The following SPAG16 variants were observed in gnomAD, a reference collection of about 807,000 sequenced individuals.
SPAG16 encodes the protein sperm associated antigen 16, also known as sperm-associated antigen 16 protein.
A neutral mutation model predicts 80.4 loss-of-function variants in SPAG16; 86 were observed. The observed-to-expected ratio is 1.07, with a 90% confidence interval of 0.90 to 1.28. The LOEUF (loss-of-function observed/expected upper bound fraction) is 1.28, where lower values mean the gene tolerates loss of function less well. SPAG16 is among the 50% of genes most tolerant of loss of function. SPAG16 has a pLI of 0.00. For missense variants in SPAG16, 870 were observed against 765.3 expected (o/e 1.14, Z -1.61); for synonymous variants, 294 against 265.9 (o/e 1.11, Z -1.03).
rs551674179 is a variant in SPAG16, at chr2:213,329,686, A to C, written c.537-10477A>C. On this transcript the variant is annotated intron_variant, in intron 5 of 15. Transcript: ENST00000331683. ...CATTTTCTGGGGAGAAATTCAAGCC[A>C]GCTGCAGAAATTTGCATAAGTAATG... 1.5e-4 allele frequency among the ~76,000 whole-genome samples: 23 copies of C among 152,356 alleles called. 1 individual carries two copies. In the South Asian group the frequency reaches 4.6e-3, roughly 30 times the overall value.
chr2:214,042,499 G>C (rs2049091778), intron 13 of SPAG16, among the ~76,000 whole-genome samples: 1 of 151,918 alleles, frequency 6.6e-6, no homozygotes, highest in Non-Finnish European at 1.5e-5. Flanking sequence ...CATGTTTGAG[G>C]CTTCATATTC....
intron 10 of SPAG16, among the ~76,000 whole-genome samples, chr2:213,795,160 T>C (rs2070947680): frequency 1.3e-5 from 2 of 152,170 alleles, no homozygotes; most frequent in Non-Finnish European, 2.9e-5. Context: ...TTCTGTTCAA[T>C]GTGGTAGTTG....
chr2:214,400,793 A>T (rs1701663056), intron 15 of SPAG16, among the ~76,000 whole-genome samples: 3 of 152,138 alleles, frequency 2.0e-5, no homozygotes, highest in Admixed American at 2.0e-4. Context: ...AAGGTAAACA[A>T]ATCTGTTGAC....
chr2:214,313,182 T>A (rs1290919313), intron 15 of SPAG16, among the ~76,000 whole-genome samples: 1 of 152,084 alleles, frequency 6.6e-6, no homozygotes, highest in African/African-American at 2.4e-5. Context: ...AAATTATTAT[T>A]TACCTACCTA....
At chr2:213,669,550 G>A (rs2063738588) in intron 10 of SPAG16, among the ~76,000 whole-genome samples, 1 of 152,096 alleles carries the variant, frequency 6.6e-6, no homozygotes, top group South Asian at 2.1e-4. Context: ...GTTTTGCTAA[G>A]CCTTTTTTAA....
intron 9 of SPAG16, among the ~76,000 whole-genome samples, chr2:213,417,251 C>T (rs1339021258): frequency 2.0e-5 from 3 of 152,146 alleles, no homozygotes; most frequent in African/African-American, 7.2e-5. Context: ...TGGGTATAGC[C>T]ATAACCTATT....
chr2:214,057,674 C>A (rs559395983), intron 13 of SPAG16, among the ~76,000 whole-genome samples: 2 of 152,164 alleles, frequency 1.3e-5, no homozygotes, highest in Non-Finnish European at 2.9e-5. Flanking sequence ...ACATCGACTT[C>A]TCCTCTCTAG....
intron 11 of SPAG16, among the ~76,000 whole-genome samples, chr2:213,907,721 A>G (rs2077488213): frequency 6.6e-6 from 1 of 152,204 alleles, no homozygotes; most frequent in South Asian, 2.1e-4. Flanking sequence ...ATTCACAGCA[A>G]CATGTATGAG....
intron 9 of SPAG16, among the ~76,000 whole-genome samples, chr2:213,407,495 A>G (rs987573839): frequency 1.3e-4 from 19 of 151,840 alleles, no homozygotes; most frequent in African/African-American, 4.1e-4. Context: ...TCAAGGGTTG[A>G]ACTTGACACA....
intron 15 of SPAG16, among the ~76,000 whole-genome samples, chr2:214,275,250 G>T (rs1324819306): frequency 2.0e-5 from 3 of 151,914 alleles, no homozygotes; most frequent in Non-Finnish European, 2.9e-5. Context: ...AAAACCAGCT[G>T]CTAGATTCAT....
At position 213,522,239 on chromosome 2, in the gene SPAG16, A is replaced by G. The variant is rs187867995; in HGVS notation, c.1070+32149A>G. ...GAATCTTTAAGTTTGTTGATTGGAT[A>G]ATAAACACAGATGTAAACACTTTTC... On this transcript the variant is annotated intron_variant, in intron 10 of 15. Coordinates refer to ENST00000331683, the MANE Select transcript of SPAG16 (RefSeq NM_024532.5). Among the ~76,000 whole-genome samples, 201 of 152,354 alleles carry G rather than the reference A, an allele frequency of 1.3e-3. 1 individual carries two copies. Among genetic ancestry groups the G allele is most frequent in the Non-Finnish European group, 1.9e-3 (131 of 68,032 alleles).
chr2:214,318,943 GCTTT>G (rs1157879489), intron 15 of SPAG16, among the ~76,000 whole-genome samples: 1 of 152,078 alleles, frequency 6.6e-6, no homozygotes, highest in Non-Finnish European at 1.5e-5. Flanking sequence ...CCCTTTTCCA[GCTTT>G]CTTTCATAAA....
intron 11 of SPAG16, among the ~76,000 whole-genome samples, chr2:213,924,561 G>C (rs1163476005): frequency 6.6e-6 from 1 of 152,148 alleles, no homozygotes; most frequent in Non-Finnish European, 1.5e-5. Flanking sequence ...GCACATACAA[G>C]CTGCTTCTCG....
chr2:214,389,398 A>G (rs893001629), intron 15 of SPAG16, among the ~76,000 whole-genome samples: 1 of 152,236 alleles, frequency 6.6e-6, no homozygotes, highest in Non-Finnish European at 1.5e-5. Context: ...GCAGAATTTC[A>G]TAGCAATACA....
intron 5 of SPAG16, among the ~76,000 whole-genome samples, chr2:213,318,183 T>A (rs1347751665): frequency 4.6e-5 from 7 of 151,982 alleles, no homozygotes; most frequent in Non-Finnish European, 7.4e-5. Context: ...CTCAGTTGTA[T>A]AAAAATTCCA....
intron 15 of SPAG16, among the ~76,000 whole-genome samples, chr2:214,319,200 C>CACACACACACACACACACA (rs140486125): frequency 4.2e-5 from 6 of 142,242 alleles, no homozygotes; most frequent in Non-Finnish European, 7.6e-5. Context: ...CACACACACA[C>CACACACACACACACACACA]CACACACACA....
At position 213,437,880 on chromosome 2, in the gene SPAG16, A is replaced by C. The variant is rs1202868746; in HGVS notation, c.943-52083A>C. 2.6e-5 allele frequency among the ~76,000 whole-genome samples: 4 copies of C among 152,186 alleles called. No homozygotes were observed. The East Asian group carries it at 7.7e-4, about 29-fold the overall frequency. On this transcript the variant is annotated intron_variant, in intron 9 of 15. Transcript: ENST00000331683. ...TACAGTAAATAGCTCTGTCGCTCTT[A>C]AACTAGGTTCTTTTGGTTGCAAGTG...
intron 11 of SPAG16, among the ~76,000 whole-genome samples, chr2:213,896,743 A>G (rs1340394966): frequency 6.6e-6 from 1 of 152,040 alleles, no homozygotes; most frequent in Non-Finnish European, 1.5e-5. Flanking sequence ...TTGCAGCAAC[A>G]TGGATGGAAC....
intron 12 of SPAG16, among the ~76,000 whole-genome samples, chr2:214,008,668 C>T (rs756006364): frequency 9.9e-5 from 15 of 151,418 alleles, no homozygotes; most frequent in South Asian, 6.2e-4. Context: ...TCGCTTGAAC[C>T]GGGGAGACAG....
Sources: gnomAD v4.1 joint callset for allele counts (sites outside exome capture counted in the v4.1 genomes callset) on GRCh38, gnomAD v4.1.1 for gene constraint, MANE v1.5 for transcripts, NCBI Gene and HGNC (gene_info 2026-07-23, HGNC 2026-07-21) for gene names.